The following CDK5RAP2 variants were observed in gnomAD, a reference collection of about 807,000 sequenced individuals.
The protein encoded by CDK5RAP2 is CDK5 regulatory subunit-associated protein 2.
In CDK5RAP2, 147 loss-of-function variants were observed where a neutral mutation model predicts 232.9. The observed-to-expected ratio is 0.63, with a 90% CI of 0.55 to 0.72. CDK5RAP2 has a LOEUF of 0.72. Ranked by LOEUF, CDK5RAP2 falls within the 30% of genes least tolerant of loss-of-function variation. The probability of loss-of-function intolerance (pLI) is 0.00; values close to 1 mark genes in which losing one functional copy is unlikely to be tolerated. For synonymous variants in CDK5RAP2, 833 were observed against 833.7 expected (o/e 1.00, Z 0.01); for missense variants, 2,195 against 2,231.5 (o/e 0.98, Z 0.33).
chr9:120,531,175 T>C (rs1359988430), intron 7 of CDK5RAP2, among the ~76,000 whole-genome samples: 13 of 152,066 alleles, frequency 8.5e-5, no homozygotes, highest in African/African-American at 2.7e-4. Context: ...AGCCTCACTT[T>C]CAGTTCTCTC....
At chr9:120,536,646 G>T in intron 6 of CDK5RAP2, 120 bp from the exon 7 acceptor site, 1 of 946,424 alleles carries the variant, frequency 1.1e-6, no homozygotes, top group Non-Finnish European at 1.6e-6. Context: ...TCCCCTCCCT[G>T]AATTGTACTA....
intron 1 of CDK5RAP2, among the ~76,000 whole-genome samples, chr9:120,577,222 C>T (rs915329346): frequency 4.6e-5 from 7 of 152,020 alleles, no homozygotes; most frequent in African/African-American, 1.7e-4. Flanking sequence ...ATTAGCCAGG[C>T]GTAGTGGGGC....
chr9:120,450,148 T>C (rs910278192), intron 21 of CDK5RAP2, among the ~76,000 whole-genome samples: 1 of 152,224 alleles, frequency 6.6e-6, no homozygotes, highest in Non-Finnish European at 1.5e-5. Context: ...TCCACATGGA[T>C]ATACTATGGA....
chr9:120,399,336 CAT>C (rs1012531043), intron 35 of CDK5RAP2, among the ~76,000 whole-genome samples: 11 of 152,058 alleles, frequency 7.2e-5, no homozygotes, highest in African/African-American at 2.4e-4. Context: ...ATGTTAAAAT[CAT>C]ATGAGGCAGG....
chr9:120,400,540 G>A (rs914870307), intron 35 of CDK5RAP2, among the ~76,000 whole-genome samples: 9 of 152,314 alleles, frequency 5.9e-5, no homozygotes, highest in Admixed American at 1.3e-4. Flanking sequence ...ACAAAGACAC[G>A]CTCAGACGGG....
chr9:120,398,507 C>T (rs966564875), intron 35 of CDK5RAP2, among the ~76,000 whole-genome samples: 1 of 152,190 alleles, frequency 6.6e-6, no homozygotes, highest in Admixed American at 6.5e-5. Context: ...GTTATGCCTA[C>T]ATTGCCATAT....
intron 25 of CDK5RAP2, among the ~76,000 whole-genome samples, chr9:120,426,944 G>A (rs2034941104): frequency 6.6e-6 from 1 of 152,144 alleles, no homozygotes; most frequent in Non-Finnish European, 1.5e-5. Flanking sequence ...AGTATAATGA[G>A]GCATGTCTGA....
At chr9:120,437,576 T>G in intron 24 of CDK5RAP2, 49 bp from the exon 25 acceptor site, 1 of 1,365,426 alleles carries the variant, frequency 7.3e-7, no homozygotes, top group Non-Finnish European at 1.0e-6. Flanking sequence ...AGAATTGAAT[T>G]TTTGTGACCT....
At chr9:120,556,764 G>A (rs1023794441) in intron 3 of CDK5RAP2, among the ~76,000 whole-genome samples, 17 of 152,070 alleles carry the variant, frequency 1.1e-4, no homozygotes, top group African/African-American at 2.7e-4. Context: ...AAAAGAAAAC[G>A]ATAAGCATAT....
chr9:120,423,379 C>T (rs142100376), intron 25 of CDK5RAP2, among the ~76,000 whole-genome samples: 9 of 152,094 alleles, frequency 5.9e-5, no homozygotes, highest in African/African-American at 1.9e-4. Flanking sequence ...GCTTTATCTG[C>T]ATTTTAATTA....
At chr9:120,486,013 G>C (rs2038581066) in intron 14 of CDK5RAP2, among the ~76,000 whole-genome samples, 1 of 152,236 alleles carries the variant, frequency 6.6e-6, no homozygotes, top group African/African-American at 2.4e-5. Context: ...GACAAGCTCT[G>C]ATACTGAGCA....
intron 12 of CDK5RAP2, among the ~76,000 whole-genome samples, chr9:120,507,274 C>T (rs188617766): frequency 1.3e-5 from 2 of 152,178 alleles, no homozygotes; most frequent in East Asian, 1.9e-4. Context: ...CCAAAAAATT[C>T]GTAAGACTCG....
At chr9:120,423,078 C>T (rs1754505236) in intron 25 of CDK5RAP2, among the ~76,000 whole-genome samples, 1 of 152,148 alleles carries the variant, frequency 6.6e-6, no homozygotes, top group South Asian at 2.1e-4. Context: ...AAAAAAAGAT[C>T]AATATCCTGG....
chr9:120,398,282 T>G (rs1480212785), intron 35 of CDK5RAP2, among the ~76,000 whole-genome samples: 1 of 152,230 alleles, frequency 6.6e-6, no homozygotes, highest in Non-Finnish European at 1.5e-5. Context: ...TTCTTATCTC[T>G]TTTTCCTTAC....
intron 22 of CDK5RAP2, among the ~76,000 whole-genome samples, 179 bp downstream of exon 22, chr9:120,447,716 T>G (rs1364065694): frequency 6.6e-6 from 1 of 152,210 alleles, no homozygotes; most frequent in Non-Finnish European, 1.5e-5. Context: ...AGCAATAGAT[T>G]CATTCTCCTT....
intron 28 of CDK5RAP2, among the ~76,000 whole-genome samples, chr9:120,412,048 G>T (rs1421822686): frequency 1.3e-5 from 2 of 152,134 alleles, no homozygotes; most frequent in Non-Finnish European, 2.9e-5. Context: ...TAAAGTTCAG[G>T]CCTTATCACT....
rs73660580 is a variant in CDK5RAP2, at chr9:120,550,978, G to A, written c.196-76C>T. Reference sequence around the variant, plus strand: ...CCAACAGATAGTACATACATTAGTCGCTATGGATTACGAGGCTACAAAACT... The same window carrying A: ...CCAACAGATAGTACATACATTAGTCACTATGGATTACGAGGCTACAAAACT... On this transcript the variant is annotated intron_variant, in intron 3 of 37. Coordinates refer to ENST00000349780, the MANE Select transcript of CDK5RAP2 (RefSeq NM_018249.6). 1,549 of 831,828 alleles carry A rather than the reference G, an allele frequency of 1.9e-3. 8 individuals carry two copies. In the African/African-American group the frequency reaches 0.022, roughly 12 times the overall value. The allele number at this position is 831,828 out of a possible 1,614,324, so 51.5% of individuals were successfully genotyped here. A position where few individuals can be genotyped will look rare whatever the true frequency, so the allele number is the denominator to read the frequency against.
intron 28 of CDK5RAP2, among the ~76,000 whole-genome samples, chr9:120,412,990 C>A (rs191097751): frequency 9.8e-5 from 15 of 152,300 alleles, no homozygotes; most frequent in Non-Finnish European, 2.1e-4. Flanking sequence ...TGCATGACCT[C>A]AGGCAAATCG....
intron 36 of CDK5RAP2, among the ~76,000 whole-genome samples, chr9:120,390,957 G>A (rs1224948945): frequency 6.6e-6 from 1 of 152,244 alleles, no homozygotes; most frequent in Non-Finnish European, 1.5e-5. Flanking sequence ...CAAGCAAAAC[G>A]ACTTTCAGAG....
Sources: allele counts gnomAD v4.1 joint callset (sites outside exome capture counted in the v4.1 genomes callset), GRCh38; gene constraint gnomAD v4.1.1; transcripts MANE v1.5; gene names NCBI Gene and HGNC (gene_info 2026-07-23, HGNC 2026-07-21).